The following EDIL3 variants were observed in gnomAD, a reference collection of about 807,000 sequenced individuals.
EDIL3 encodes the protein EGF-like repeat and discoidin I-like domain-containing protein 3.
Under a neutral mutation model 67.4 loss-of-function variants are expected in EDIL3, and 37 were observed. That is an observed-to-expected ratio of 0.55 (90% confidence interval 0.42 to 0.72). EDIL3 has a LOEUF of 0.72. EDIL3 is among the 30% of genes least tolerant of loss of function. The pLI is 0.00. For synonymous variants in EDIL3, 195 were observed against 196.3 expected (o/e 0.99, Z 0.05); for missense variants, 527 against 586.3 (o/e 0.90, Z 1.04).
intron 5 of EDIL3, among the ~76,000 whole-genome samples, chr5:84,131,809 C>G (rs1747971162): frequency 6.6e-6 from 1 of 151,902 alleles, no homozygotes; most frequent in African/African-American, 2.4e-5. Flanking sequence ...TTTTAAAAAG[C>G]AATAATTAAA....
intron 1 of EDIL3, among the ~76,000 whole-genome samples, chr5:84,366,564 ACTCT>A (rs1162681221): frequency 6.6e-6 from 1 of 152,128 alleles, no homozygotes; most frequent in African/African-American, 2.4e-5. Context: ...TAAATATGTA[ACTCT>A]CTATGAACAT....
chr5:84,177,863 T>C (rs1748948505), intron 4 of EDIL3, among the ~76,000 whole-genome samples: 1 of 152,184 alleles, frequency 6.6e-6, no homozygotes, highest in African/African-American at 2.4e-5. Context: ...ACCTATTAAC[T>C]ATATATTTGT....
intron 6 of EDIL3, among the ~76,000 whole-genome samples, chr5:84,080,667 C>T (rs1746950041): frequency 6.6e-6 from 1 of 151,934 alleles, no homozygotes; most frequent in Non-Finnish European, 1.5e-5. Context: ...TGAAAAACCT[C>T]AAAAAGGCAT....
At chr5:84,230,000 C>T in intron 2 of EDIL3, 116 bp from the exon 3 acceptor site, 1 of 923,958 alleles carries the variant, frequency 1.1e-6, no homozygotes, top group Non-Finnish European at 1.6e-6. Context: ...ATATATTTCA[C>T]ATTTCCAAAC....
At chr5:84,202,987 G>A (rs560330665) in intron 3 of EDIL3, among the ~76,000 whole-genome samples, 89 of 152,212 alleles carry the variant, frequency 5.8e-4, no homozygotes, top group African/African-American at 2.0e-3. Context: ...CAAGGAGACT[G>A]GAAAGACTAT....
intron 8 of EDIL3, 99 bp downstream of exon 8, chr5:84,064,601 T>C: frequency 7.0e-7 from 1 of 1,422,780 alleles, no homozygotes; most frequent in Non-Finnish European, 9.3e-7. Flanking sequence ...GAAAAAAATT[T>C]CTATGGTTGT....
intron 6 of EDIL3, among the ~76,000 whole-genome samples, chr5:84,088,286 T>G (rs1747106837): frequency 6.6e-6 from 1 of 152,200 alleles, no homozygotes; most frequent in African/African-American, 2.4e-5. Context: ...GTTTCAAAAT[T>G]TATGTACATC....
chr5:84,271,416 CAAAT>C (rs70975550), intron 1 of EDIL3, among the ~76,000 whole-genome samples: 15,027 of 140,798 alleles, frequency 0.11, 984 homozygotes, highest in African/African-American at 0.19. Flanking sequence ...TCTGTCTCTA[CAAAT>C]AAATAAATAA....
intron 1 of EDIL3, among the ~76,000 whole-genome samples, chr5:84,255,211 CA>C (rs150462202): frequency 0.076 from 11,501 of 152,198 alleles, 576 homozygotes; most frequent in South Asian, 0.2. Flanking sequence ...TCCCAACTCT[CA>C]AAGTGGTAAA....
intron 9 of EDIL3, among the ~76,000 whole-genome samples, chr5:83,993,438 C>G (rs529816292): frequency 6.6e-6 from 1 of 152,300 alleles, no homozygotes; most frequent in South Asian, 2.1e-4. Context: ...AATCTCATGA[C>G]TTAAAAAATC....
At chr5:84,370,828 A>G (rs75025220) in intron 1 of EDIL3, among the ~76,000 whole-genome samples, 151 of 152,300 alleles carry the variant, frequency 9.9e-4, no homozygotes, top group African/African-American at 3.3e-3. Context: ...CATCAAGTAG[A>G]TAACAATTTA....
chr5:84,050,667 T>C (rs1384071002), intron 9 of EDIL3, among the ~76,000 whole-genome samples: 2 of 152,186 alleles, frequency 1.3e-5, no homozygotes, highest in East Asian at 1.9e-4. Flanking sequence ...GGAGATTATA[T>C]CCTGCGCCTG....
chr5:84,340,534 C>CTATA lies in EDIL3; in HGVS notation c.67+43770_67+43773dup, dbSNP rs776456328. On this transcript the variant is annotated intron_variant, in intron 1 of 10. Transcript: ENST00000296591. ...TCTCTCTCTCTCTCTCTCTCTCTCT[C>CTATA]TATATATATATATATATATATATAT... Among the ~76,000 whole-genome samples, 108 of 54,180 alleles carry CTATA rather than the reference C, an allele frequency of 2.0e-3. 1 individual carries two copies. Among genetic ancestry groups the CTATA allele is most frequent in the East Asian group, 3.4e-3 (5 of 1,452 alleles). 35.5% of individuals were successfully genotyped at this position (54,180 alleles called of 152,430 possible).
rs200311571 is a variant in EDIL3 at position 83,943,574 on chromosome 5, A to G, written c.1294-6T>C. Reference sequence around the variant, plus strand: ...TCAAAATTTCCCTGGAAAACCTAATAAAGAAGAGCAGAAAAATGTCAGTCA... The same window carrying G: ...TCAAAATTTCCCTGGAAAACCTAATGAAGAAGAGCAGAAAAATGTCAGTCA... On this transcript the variant is annotated splice_region_variant and splice_polypyrimidine_tract_variant and intron_variant, in intron 10 of 10. Transcript: ENST00000296591. The G allele has an allele frequency of 2.5e-6, 4 of 1,611,574 alleles. No homozygotes were observed. The highest frequency in any genetic ancestry group is 3.4e-6 in the Non-Finnish European group (4 of 1,178,608).
intron 2 of EDIL3, among the ~76,000 whole-genome samples, chr5:84,252,341 G>T (rs1745038569): frequency 6.6e-6 from 1 of 151,190 alleles, no homozygotes; most frequent in African/African-American, 2.4e-5. Context: ...AATACAAAAA[G>T]AAATTAGCCG....
intron 1 of EDIL3, among the ~76,000 whole-genome samples, chr5:84,262,659 G>GTTTGTTTTTTTTTTTTTTTTTTTTTTT (rs1745250856): frequency 2.2e-5 from 1 of 46,310 alleles, no homozygotes; most frequent in South Asian, 1.5e-3. Flanking sequence ...AGGTTGGTTG[G>GTTTGTTTTTTTTTTTTTTTTTTTTTTT]TTTTTTTTTT....
intron 6 of EDIL3, among the ~76,000 whole-genome samples, chr5:84,076,854 GA>G (rs1580315283): frequency 6.6e-6 from 1 of 152,062 alleles, no homozygotes; most frequent in African/African-American, 2.4e-5. Context: ...AAGTAAACAT[GA>G]TACAAAAAAG....
At chr5:84,160,701 T>G (rs1748586687) in intron 4 of EDIL3, among the ~76,000 whole-genome samples, 1 of 151,746 alleles carries the variant, frequency 6.6e-6, no homozygotes, top group Non-Finnish European at 1.5e-5. Context: ...TCCACAGTCC[T>G]GAGAGGTGTC....
At chr5:84,325,787 T>C (rs1746744537) in intron 1 of EDIL3, among the ~76,000 whole-genome samples, 1 of 152,076 alleles carries the variant, frequency 6.6e-6, no homozygotes, top group Non-Finnish European at 1.5e-5. Context: ...ATAAATACAA[T>C]GGAATATTAT....
Sources: gnomAD v4.1 joint callset for allele counts (sites outside exome capture counted in the v4.1 genomes callset) on GRCh38, gnomAD v4.1.1 for gene constraint, MANE v1.5 for transcripts, NCBI Gene and HGNC (gene_info 2026-07-23, HGNC 2026-07-21) for gene names.